The following KIF3C variants were observed in gnomAD, a reference collection of about 807,000 sequenced individuals.
KIF3C encodes the protein kinesin-like protein KIF3C.
A neutral mutation model predicts 67.7 loss-of-function variants in KIF3C; 12 were observed. That is an observed-to-expected ratio of 0.18 (90% CI 0.11 to 0.29). The LOEUF is 0.29. KIF3C is among the 10% of genes least tolerant of loss of function. The pLI is 1.00. For synonymous variants in KIF3C, 393 were observed against 426.2 expected (o/e 0.92, Z 0.96); for missense variants, 789 against 1,059.6 (o/e 0.74, Z 3.55).
chr2:25,972,277 C>A (rs541990588), intron 1 of KIF3C, among the ~76,000 whole-genome samples: 1 of 152,226 alleles, frequency 6.6e-6, no homozygotes, highest in South Asian at 2.1e-4. Flanking sequence ...ACACATAGCA[C>A]GAGAAACCTA....
intron 1 of KIF3C, among the ~76,000 whole-genome samples, chr2:25,960,365 A>ACAGGCATGCTCTCTCGCCTGTAAGCTCCC (rs1559554580): frequency 2.6e-5 from 4 of 152,280 alleles, no homozygotes; most frequent in Admixed American, 6.5e-5. Flanking sequence ...GGGCATGCAT[A>ACAGGCATGCTCTCTCGCCTGTAAGCTCCC]TTATTAGCAC....
Position 25,981,263 on chromosome 2 carries a change from T to C in KIF3C, c.655A>G (p.Ile219Val). The change falls in exon 1 of 8, where the codon ATC becomes GTC. Residue 219 changes from isoleucine to valine, a missense_variant. Physicochemically the swap from Ile to Val is conservative, Grantham distance 29 (BLOSUM62 3). This residue lies in a region of KIF3C where 648 missense variants were observed against 807.8 expected (regional missense o/e 0.80). Coordinates refer to ENST00000264712, the MANE Select transcript of KIF3C (RefSeq NM_002254.8). The surrounding 1 kb of genome is among the most constrained non-coding windows in gnomAD (Gnocchi z 8.2). ...CTGCACTCCACAGTGATGATGAAGA[T>C]GGCATGGGAGCGGGAGCTGACCTCA... ...MNEVSSRSHA[I>V]FIITVECSER... The C allele has an allele frequency of 6.2e-7, 1 of 1,614,170 alleles. No homozygotes were observed. The highest frequency in any genetic ancestry group is 8.5e-7 in the Non-Finnish European group (1 of 1,180,020).
intron 5 of KIF3C, among the ~76,000 whole-genome samples, chr2:25,935,956 A>G (rs999952794): frequency 1.3e-5 from 2 of 151,898 alleles, no homozygotes; most frequent in African/African-American, 2.4e-5. Context: ...GCACGCTGGC[A>G]CACACCTGTA....
intron 1 of KIF3C, among the ~76,000 whole-genome samples, chr2:25,977,307 T>A (rs1300666052): frequency 6.6e-6 from 1 of 151,974 alleles, no homozygotes; most frequent in Non-Finnish European, 1.5e-5. Flanking sequence ...AGAGAGTGAA[T>A]GAGGGCACTG....
intron 5 of KIF3C, among the ~76,000 whole-genome samples, chr2:25,936,341 A>C (rs1251182034): frequency 6.6e-6 from 1 of 152,162 alleles, no homozygotes; most frequent in African/African-American, 2.4e-5. Context: ...ATACCTGGCC[A>C]GTTTTAAGGA....
chr2:25,932,416 G>T (rs1260137375), intron 5 of KIF3C, among the ~76,000 whole-genome samples: 1 of 151,092 alleles, frequency 6.6e-6, no homozygotes, highest in Non-Finnish European at 1.5e-5. Flanking sequence ...TGGGATTATA[G>T]GCATGAGCCA....
At position 25,956,037 on chromosome 2, in the gene KIF3C, A is replaced by T. The variant is rs114719908; in HGVS notation, c.1647+306T>A. Among the ~76,000 whole-genome samples the T allele has an allele frequency of 1.1e-3, 174 of 152,266 alleles. 2 individuals carry two copies. Among genetic ancestry groups the T allele is most frequent in the African/African-American group, 3.9e-3 (163 of 41,558 alleles). ...AACTGTGGCTCTTGATGATTTAGGG[A>T]AACAGTCATACAGTTGGCAAAGAAC... On this transcript the variant is annotated intron_variant, in intron 2 of 7. Transcript: ENST00000264712.
intron 1 of KIF3C, among the ~76,000 whole-genome samples, chr2:25,977,965 A>T (rs1398703216): frequency 6.6e-6 from 1 of 152,176 alleles, no homozygotes; most frequent in Non-Finnish European, 1.5e-5. Context: ...GGAATTTCCC[A>T]GGCACTCCTC....
At chr2:25,966,744 C>T (rs1020643462) in intron 1 of KIF3C, among the ~76,000 whole-genome samples, 1 of 152,220 alleles carries the variant, frequency 6.6e-6, no homozygotes, top group South Asian at 2.1e-4. Flanking sequence ...AGAAGCCAAA[C>T]AGGCTCTGCC....
chr2:25,944,251 T>G lies in KIF3C; in HGVS notation c.2006+7538A>C, dbSNP rs537330776. Among the ~76,000 whole-genome samples, 74 of 152,188 alleles carry G rather than the reference T, an allele frequency of 4.9e-4. 2 individuals are homozygous for G. The highest frequency in any genetic ancestry group is 1.9e-4 in the East Asian group (1 of 5,178). On this transcript the variant is annotated intron_variant, in intron 5 of 7. Coordinates refer to ENST00000264712, the MANE Select transcript of KIF3C (RefSeq NM_002254.8). ...TAATAACTGTTTTAAAGTAATTTAT[T>G]TCTTGGAATTCTTTATTATATTAGA...
rs76552339 is a variant in KIF3C, at chr2:25,964,243, G to C, written c.1546-7799C>G. ...GAATCGCCAGAGGTTACAGTGAGCT[G>C]AGATAGCACCACTGTACTCTAGCCT... On this transcript the variant is annotated intron_variant, in intron 1 of 7. Transcript: ENST00000264712. Among the ~76,000 whole-genome samples the C allele has an allele frequency of 7.4e-3, 1,133 of 152,166 alleles. 15 individuals carry two copies. Among genetic ancestry groups the C allele is most frequent in the African/African-American group, 0.026 (1,083 of 41,514 alleles).
intron 5 of KIF3C, among the ~76,000 whole-genome samples, chr2:25,931,934 G>GT (rs34040664): frequency 0.045 from 5,882 of 130,136 alleles, 184 homozygotes; most frequent in Non-Finnish European, 0.062. Flanking sequence ...GCACCTGGCT[G>GT]TTTTTTTTTT....
At position 25,982,294 on chromosome 2, in the gene KIF3C, A is replaced by G; in HGVS notation, c.-377T>C. On this transcript the variant is annotated 5_prime_UTR_variant, in exon 1 of 8. Coordinates refer to ENST00000264712, the MANE Select transcript of KIF3C (RefSeq NM_002254.8). ...GAAAATGGGATGGGGGTGGGCGGCG[A>G]GCTGTCTTCTCCTCCTTCCTCTAGG... 7.5e-6 allele frequency: 3 copies of G among 402,642 alleles called. No individual in the cohort carries two copies. In the South Asian group the frequency reaches 3.5e-4, roughly 47 times the overall value. 24.9% of individuals were successfully genotyped at this position (402,642 alleles called of 1,614,324 possible).
chr2:25,962,370 T>C (rs370675143), intron 1 of KIF3C, among the ~76,000 whole-genome samples: 8 of 149,766 alleles, frequency 5.3e-5, no homozygotes, highest in African/African-American at 1.8e-4. Flanking sequence ...TTTTCCCTGG[T>C]TTTTTTTTGT....
intron 5 of KIF3C, among the ~76,000 whole-genome samples, chr2:25,937,003 C>T (rs1484653198): frequency 6.6e-6 from 1 of 152,200 alleles, no homozygotes; most frequent in African/African-American, 2.4e-5. Flanking sequence ...CTCTGAGCCT[C>T]AGATATATCA....
At chr2:25,947,594 T>G (rs1329744200) in intron 5 of KIF3C, among the ~76,000 whole-genome samples, 3 of 152,008 alleles carry the variant, frequency 2.0e-5, no homozygotes, top group Non-Finnish European at 4.4e-5. Context: ...AAAAAAAAGT[T>G]ATTATAGGTA....
chr2:25,930,148 TAGCTAGGAGGC>T, intron 5 of KIF3C, 85 bp from the exon 6 acceptor site: 2 of 1,073,108 alleles, frequency 1.9e-6, no homozygotes, highest in Non-Finnish European at 2.9e-6. Context: ...ATCATTCAGG[TAGCTAGGAGGC>T]CCTGCAGACT....
Position 25,929,620 on chromosome 2 carries a change from T to A in KIF3C, c.2116-143A>T, listed in dbSNP as rs534592345. Reference sequence around the variant, plus strand: ...GAGCATCCCCTCCCATAGGCTCTTTTTTTTTTTTCTTCTGAGATGGAGTCT... The same window carrying A: ...GAGCATCCCCTCCCATAGGCTCTTTATTTTTTTTCTTCTGAGATGGAGTCT... On this transcript the variant is annotated intron_variant, in intron 6 of 7. Transcript: ENST00000264712. 6 of 644,936 alleles carry A rather than the reference T, an allele frequency of 9.3e-6. No individual in the cohort carries two copies. In the South Asian group the frequency reaches 1.2e-4, roughly 13 times the overall value. The allele number at this position is 644,936 out of a possible 1,614,324, so 40.0% of individuals were successfully genotyped here.
Position 25,981,308 on chromosome 2 carries a change from C to T in KIF3C, c.610G>A (p.Val204Met), listed in dbSNP as rs748000924. The stretch of plus-strand genomic sequence containing the variant: ...ACCTCATTCATGTGGGTGCTGCCCA[C>T]AGCCCGGGTCTGGTTCCCCAGGTTC... ...VMNLGNQTRA[V>M]GSTHMNEVSS... The change falls in exon 1 of 8, where the codon GTG becomes ATG. Residue 204 changes from valine to methionine, a missense_variant. Physicochemically the swap from Val to Met is conservative, Grantham distance 21. Transcript: ENST00000264712. This position sits in a 1 kb window ranked among gnomAD's most constrained non-coding sequence, Gnocchi z 8.2. 6.2e-7 allele frequency: 1 copy of T among 1,614,140 alleles called. No individual in the cohort carries two copies. The highest frequency in any genetic ancestry group is 8.5e-7 in the Non-Finnish European group (1 of 1,180,012).
Sources: gnomAD v4.1 joint callset for allele counts (sites outside exome capture counted in the v4.1 genomes callset) on GRCh38, gnomAD v4.1.1 for gene constraint, gnomAD v4.1.1 regional missense constraint, Gnocchi (gnomAD v3.1) non-coding constraint, MANE v1.5 for transcripts, NCBI Gene and HGNC (gene_info 2026-07-23, HGNC 2026-07-21) for gene names.